Variants in ABCA8 observed in about 807,000 individuals in gnomAD.
ABCA8 encodes ABC-type organic anion transporter ABCA8.
Under a neutral mutation model 192.3 loss-of-function variants are expected in ABCA8, and 177 were observed. The observed-to-expected ratio is 0.92, with a 90% CI of 0.81 to 1.04. The LOEUF is 1.04. Ranked by LOEUF, ABCA8 falls within the 50% of genes least tolerant of loss-of-function variation. The probability of loss-of-function intolerance (pLI) is 0.00; values close to 1 mark genes in which losing one functional copy is unlikely to be tolerated. For missense variants in ABCA8, 1,915 were observed against 1,904.8 expected, an observed-to-expected ratio of 1.01 and a Z score of -0.10; for synonymous variants, 642 against 690.2, an observed-to-expected ratio of 0.93 and a Z score of 1.09.
rs543026555 is a variant in ABCA8 at position 68,911,534 on chromosome 17, A to G, written c.2139-3655T>C. Among the ~76,000 whole-genome samples, 23 of 152,150 alleles carry G rather than the reference A, an allele frequency of 1.5e-4. No homozygotes were observed. In the East Asian group the frequency reaches 4.3e-3, roughly 28 times the overall value. On this transcript the variant is annotated intron_variant, in intron 17 of 39. Transcript: ENST00000586539. This position sits in a 1 kb window ranked among gnomAD's most constrained non-coding sequence, Gnocchi z 5.7. ...CTTGCCACCATAAAGGGAAGGACACAGGCCTGGCTGTATTTGCCACCTGCT... is the reference window on the plus strand; with the variant it reads ...CTTGCCACCATAAAGGGAAGGACACGGGCCTGGCTGTATTTGCCACCTGCT...
At position 68,929,172 on chromosome 17, in the gene ABCA8, C is replaced by A; in HGVS notation, c.1002G>T (p.Val334=). The A allele has an allele frequency of 6.2e-7, 1 of 1,610,554 alleles. No homozygotes were observed. Among genetic ancestry groups the A allele is most frequent in the Non-Finnish European group, 8.5e-7 (1 of 1,178,000 alleles). Residue 334 remains valine, a synonymous_variant, in exon 9 of 40, where the codon GTG becomes GTT. Transcript: ENST00000586539. ...ACCCCCAAAAGACAGTGAGGAGGAA[C>A]ACGACCAGGCCGGTGAGGAAAGATT... is the stretch of plus-strand genomic sequence containing the variant. ...VKKSFLTGLV[V]FLLTVFWGCL...
Position 68,918,537 on chromosome 17 carries a change from C to T in ABCA8, c.1798G>A (p.Val600Ile). Residue 600 changes from valine (V) to isoleucine (I), a missense_variant, in exon 15 of 40, where the codon GTT becomes ATT. By Grantham distance (29) the Val-to-Ile change is conservative. Coordinates refer to ENST00000586539, the MANE Select transcript of ABCA8 (RefSeq NM_001288985.2). Reference sequence around the variant, plus strand: ...TTTTTCATTTCCAATTCCAGCAGAACCCTTTGTATCTAACCAAAAGACAGT... The same window carrying T: ...TTTTTCATTTCCAATTCCAGCAGAATCCTTTGTATCTAACCAAAAGACAGT... The part of the protein sequence containing the change: ...PQEVDKEIQR[V>I]LLELEMKNIQ... The T allele has an allele frequency of 2.7e-6, 4 of 1,499,544 alleles. No individual in the cohort carries two copies. The highest frequency in any genetic ancestry group is 3.5e-6 in the Non-Finnish European group (4 of 1,135,416). 92.9% of individuals were successfully genotyped at this position (1,499,544 alleles called of 1,614,324 possible).
chr17:68,884,575 T>C, intron 27 of ABCA8, 179 bp from the exon 28 acceptor site: 1 of 1,304,830 alleles, frequency 7.7e-7, no homozygotes, highest in Non-Finnish European at 9.7e-7. Context: ...CTATGAGCTT[T>C]TGTTTGAAGC....
rs367638329 is a variant in ABCA8 at position 68,919,310 on chromosome 17, C to T, written c.1779G>A (p.Val593=). Residue 593 remains valine (V), a synonymous_variant, in exon 14 of 40, where the codon GTG becomes GTA. Coordinates refer to ENST00000586539, the MANE Select transcript of ABCA8 (RefSeq NM_001288985.2). ...AKIKGILPQE[V]DKEIQRVLLE... ...TAACATATTTTTGTACCTCTTTATC[C>T]ACTTCTTGTGGCAGAATCCCTTTTA... The T allele has an allele frequency of 3.7e-6, 6 of 1,608,468 alleles. No homozygotes were observed. The African/African-American group carries it at 5.4e-5, about 14-fold the overall frequency.
chr17:68,917,503 A>G (rs766695019), intron 16 of ABCA8, 52 bp from the exon 17 acceptor site: 3 of 1,340,198 alleles, frequency 2.2e-6, no homozygotes, highest in Non-Finnish European at 3.2e-6. Flanking sequence ...TGGCCCATCC[A>G]TTTCCAAGAA....
chr17:68,939,089 C>T (rs898027353), intron 4 of ABCA8, among the ~76,000 whole-genome samples: 1 of 152,112 alleles, frequency 6.6e-6, no homozygotes, highest in African/African-American at 2.4e-5. Flanking sequence ...ACTAGCTGAT[C>T]TAGAAACCAT....
chr17:68,885,118 T>G, intron 27 of ABCA8, 78 bp downstream of exon 27: 1 of 1,448,918 alleles, frequency 6.9e-7, no homozygotes, highest in Non-Finnish European at 9.3e-7. Flanking sequence ...CATGTTGTAG[T>G]AGACCTTCAA....
chr17:68,929,254 A>T lies in ABCA8; in HGVS notation c.940-20T>A, dbSNP rs770647469. 2 of 1,562,974 alleles carry T rather than the reference A, an allele frequency of 1.3e-6. No homozygotes were observed. The highest frequency in any genetic ancestry group is 1.7e-6 in the Non-Finnish European group (2 of 1,156,472). On this transcript the variant is annotated intron_variant, in intron 8 of 39. Transcript: ENST00000586539. ...AGCTACCTAAAATGAGAGAAGATCTAGTTGGTTTATGTTTCTCTAACATTA... is the reference window on the plus strand; with the variant it reads ...AGCTACCTAAAATGAGAGAAGATCTTGTTGGTTTATGTTTCTCTAACATTA...
At chr17:68,876,728 A>G (rs1362379207) in intron 33 of ABCA8, 25 bp from the exon 34 acceptor site, 1 of 1,613,842 alleles carries the variant, frequency 6.2e-7, no homozygotes, top group African/African-American at 1.3e-5. Context: ...AGAGTCGTAC[A>G]GTCTTCTTGA....
At chr17:68,953,781 A>G (rs1417485822) in intron 1 of ABCA8, among the ~76,000 whole-genome samples, 2 of 152,200 alleles carry the variant, frequency 1.3e-5, no homozygotes, top group South Asian at 2.1e-4. Flanking sequence ...TCTTTGCTCA[A>G]GATTGAACTT....
intron 1 of ABCA8, among the ~76,000 whole-genome samples, chr17:68,951,770 T>C (rs1437960509): frequency 6.6e-6 from 1 of 152,210 alleles, no homozygotes; most frequent in Non-Finnish European, 1.5e-5. Flanking sequence ...TTTCTATCTC[T>C]TTGTTGTTAA....
intron 2 of ABCA8, among the ~76,000 whole-genome samples, chr17:68,942,831 A>T (rs1446783988): frequency 6.6e-6 from 1 of 152,158 alleles, no homozygotes; most frequent in African/African-American, 2.4e-5. Context: ...GTCACTATTC[A>T]ATAGTTCTGT....
At chr17:68,883,984 T>G in intron 28 of ABCA8, 102 bp from the exon 29 acceptor site, 1 of 767,440 alleles carries the variant, frequency 1.3e-6, no homozygotes, top group South Asian at 1.8e-5. Flanking sequence ...ATACATTCAG[T>G]GAAATAATTA....
rs2067060629 is a variant in ABCA8 at position 68,906,127 on chromosome 17, C to T, written c.2315G>A (p.Gly772Glu). 3.1e-6 allele frequency: 5 copies of T among 1,600,106 alleles called. No homozygotes were observed. Among genetic ancestry groups the T allele is most frequent in the African/African-American group, 2.7e-5 (2 of 74,528 alleles). Reference protein sequence around the residue: ...YKDLDSYPDLGIENYGVSMTT... With the variant: ...YKDLDSYPDLEIENYGVSMTT... ...CATGGAAACACCATAATTCTCAATT[C>T]CTAGGTCAGGATAGCTATCAAGATC... Residue 772 changes from glycine (G) to glutamate (E), a missense_variant, in exon 19 of 40, where the codon GGA becomes GAA. Physicochemically the swap from Gly to Glu is moderately conservative, Grantham distance 98. Transcript: ENST00000586539.
intron 1 of ABCA8, among the ~76,000 whole-genome samples, chr17:68,952,837 T>TAGC (rs2068607881): frequency 6.6e-6 from 1 of 152,204 alleles, no homozygotes; most frequent in Admixed American, 6.5e-5. Context: ...GTAGGAGTAG[T>TAGC]AGCACATCAC....
Position 68,895,725 on chromosome 17 carries a change from A to G in ABCA8, c.2765-712T>C, listed in dbSNP as rs375247554. 9.9e-5 allele frequency among the ~76,000 whole-genome samples: 15 copies of G among 152,216 alleles called. No homozygotes were observed. The East Asian group carries it at 2.9e-3, about 29-fold the overall frequency. On this transcript the variant is annotated intron_variant, in intron 21 of 39. Coordinates refer to ENST00000586539, the MANE Select transcript of ABCA8 (RefSeq NM_001288985.2). ...CCCAGTTCAGGGCTATAGTATCTTC[A>G]CGGGAGGGGCTTCCCATCGACTTTT...
intron 10 of ABCA8, 27 bp downstream of exon 10, chr17:68,927,889 T>C (rs367754701): frequency 6.8e-5 from 102 of 1,489,818 alleles, no homozygotes; most frequent in Non-Finnish European, 8.4e-5. Flanking sequence ...TTAAATGATA[T>C]ATGATTTTAA....
chr17:68,917,052 G>A lies in ABCA8; in HGVS notation c.2138+309C>T, dbSNP rs540422386. Among the ~76,000 whole-genome samples the A allele has an allele frequency of 2.7e-3, 408 of 152,074 alleles. 1 individual carries two copies. Among genetic ancestry groups the A allele is most frequent in the African/African-American group, 9.3e-3 (388 of 41,500 alleles). On this transcript the variant is annotated intron_variant, in intron 17 of 39. Transcript: ENST00000586539. Reference sequence around the variant, plus strand: ...TGGGAGGCCGAGGCGGGCGGATCACGAGGTCAGGAGATCGAGACCATCCTG... The same window carrying A: ...TGGGAGGCCGAGGCGGGCGGATCACAAGGTCAGGAGATCGAGACCATCCTG...
At chr17:68,946,810 A>G (rs1457862092) in intron 2 of ABCA8, among the ~76,000 whole-genome samples, 2 of 151,956 alleles carry the variant, frequency 1.3e-5, no homozygotes, top group Non-Finnish European at 2.9e-5. Context: ...GCATGGTGGC[A>G]TGCACCTTCA....
Sources: gnomAD v4.1 joint callset for allele counts (sites outside exome capture counted in the v4.1 genomes callset) on GRCh38, gnomAD v4.1.1 for gene constraint, Gnocchi (gnomAD v3.1) non-coding constraint, MANE v1.5 for transcripts, NCBI Gene and HGNC (gene_info 2026-07-23, HGNC 2026-07-21) for gene names.